AGBL4: variants seen among roughly 807,000 people sequenced by gnomAD.
The protein encoded by AGBL4 is AGBL carboxypeptidase 4.
In AGBL4, 58 loss-of-function variants were observed where a neutral mutation model predicts 66.4. The ratio of observed to expected loss-of-function variants is 0.87; its 90% CI spans 0.71 to 1.09. The LOEUF is 1.09. Among genes scored for constraint, AGBL4 ranks in the 50% least tolerant of loss-of-function variants. The pLI, the probability that AGBL4 is intolerant of heterozygous loss-of-function variation, is 0.00. For missense variants in AGBL4, 579 were observed against 631.0 expected, an observed-to-expected ratio of 0.92 and a Z score of 0.88; for synonymous variants, 234 against 222.9, an observed-to-expected ratio of 1.05 and a Z score of -0.44.
At chr1:49,565,018 T>A (rs1371300258) in intron 3 of AGBL4, among the ~76,000 whole-genome samples, 2 of 152,222 alleles carry the variant, frequency 1.3e-5, no homozygotes, top group African/African-American at 4.8e-5. Context: ...ATATTTAGGA[T>A]AGCTAGTTCT....
At chr1:49,775,258 A>C (rs1644167954) in intron 2 of AGBL4, among the ~76,000 whole-genome samples, 1 of 152,182 alleles carries the variant, frequency 6.6e-6, no homozygotes, top group Non-Finnish European at 1.5e-5. Flanking sequence ...CAGTGCCCTC[A>C]TCCATAAAAT....
chr1:48,771,658 C>A (rs1644840477), intron 6 of AGBL4, among the ~76,000 whole-genome samples: 1 of 152,144 alleles, frequency 6.6e-6, no homozygotes, highest in Non-Finnish European at 1.5e-5. Flanking sequence ...AAAATAAATC[C>A]TTTTGTTGGC....
At chr1:49,987,038 C>T (rs557228855) in intron 1 of AGBL4, among the ~76,000 whole-genome samples, 1 of 152,084 alleles carries the variant, frequency 6.6e-6, no homozygotes, top group South Asian at 2.1e-4. Flanking sequence ...CTCTAGGAAA[C>T]CACTTCCCTG....
chr1:49,243,696 T>C (rs1293601794), intron 4 of AGBL4, among the ~76,000 whole-genome samples: 1 of 151,318 alleles, frequency 6.6e-6, no homozygotes, highest in Non-Finnish European at 1.5e-5. Context: ...TAAAGTCCTA[T>C]GAAGTAAAAA....
chr1:49,515,223 C>A (rs1483058410), intron 3 of AGBL4, among the ~76,000 whole-genome samples: 5 of 151,988 alleles, frequency 3.3e-5, no homozygotes, highest in Admixed American at 1.3e-4. Context: ...AAAAAGTGGG[C>A]AAAGGATATG....
chr1:49,339,159 C>G (rs1005018260), intron 3 of AGBL4, among the ~76,000 whole-genome samples: 4 of 152,014 alleles, frequency 2.6e-5, no homozygotes, highest in Non-Finnish European at 5.9e-5. Flanking sequence ...TGGCCTTTAT[C>G]TGGATAATCA....
chr1:48,773,120 A>C (rs1644916011), intron 6 of AGBL4, among the ~76,000 whole-genome samples: 1 of 152,148 alleles, frequency 6.6e-6, no homozygotes, highest in Non-Finnish European at 1.5e-5. Flanking sequence ...GGCATACAGA[A>C]AGCAGTAAGG....
At chr1:49,611,617 T>A (rs1645156743) in intron 3 of AGBL4, among the ~76,000 whole-genome samples, 1 of 152,080 alleles carries the variant, frequency 6.6e-6, no homozygotes, top group East Asian at 1.9e-4. Context: ...GACCTCGTGA[T>A]CCGCCTGCCT....
At chr1:48,890,830 T>C (rs1268470111) in intron 5 of AGBL4, among the ~76,000 whole-genome samples, 1 of 152,182 alleles carries the variant, frequency 6.6e-6, no homozygotes, top group Non-Finnish European at 1.5e-5. Context: ...GTTATGCCCA[T>C]AGTAATGAAT....
chr1:49,018,906 T>C (rs1159988906), intron 5 of AGBL4, among the ~76,000 whole-genome samples: 1 of 152,144 alleles, frequency 6.6e-6, no homozygotes, highest in Non-Finnish European at 1.5e-5. Context: ...AATTACTTAA[T>C]ATAAAATATT....
At chr1:48,890,256 T>A (rs1570933118) in intron 5 of AGBL4, among the ~76,000 whole-genome samples, 1 of 152,142 alleles carries the variant, frequency 6.6e-6, no homozygotes, top group South Asian at 2.1e-4. Context: ...ATGGTAGAGA[T>A]GCAGTGGTTT....
At chr1:49,357,848 C>G (rs565567056) in intron 3 of AGBL4, among the ~76,000 whole-genome samples, 1 of 152,310 alleles carries the variant, frequency 6.6e-6, no homozygotes, top group Admixed American at 6.5e-5. Flanking sequence ...CTTCCTCCAT[C>G]TCATTCATAC....
At chr1:49,616,828 T>C (rs528044282) in intron 3 of AGBL4, among the ~76,000 whole-genome samples, 70 of 152,200 alleles carry the variant, frequency 4.6e-4, no homozygotes, top group African/African-American at 1.2e-3. Context: ...CACACCCAAA[T>C]CCAATCAACG....
intron 2 of AGBL4, among the ~76,000 whole-genome samples, chr1:49,725,419 T>A (rs2124697717): frequency 6.6e-6 from 1 of 152,300 alleles, no homozygotes; most frequent in East Asian, 1.9e-4. Context: ...TCTCCGTGGC[T>A]TACAACAGTA....
At chr1:49,666,068 T>A (rs1487642912) in intron 3 of AGBL4, among the ~76,000 whole-genome samples, 2 of 151,938 alleles carry the variant, frequency 1.3e-5, no homozygotes, top group African/African-American at 4.8e-5. Flanking sequence ...CATCAAGCAA[T>A]CCTCCTACCT....
chr1:49,863,254 C>A (rs960759090), intron 1 of AGBL4, among the ~76,000 whole-genome samples: 8 of 152,198 alleles, frequency 5.3e-5, no homozygotes, highest in Middle Eastern at 3.4e-3. Flanking sequence ...TGAATCTAGA[C>A]CCCTATCTCT....
intron 4 of AGBL4, among the ~76,000 whole-genome samples, chr1:49,112,000 T>G (rs922767468): frequency 6.6e-6 from 1 of 152,220 alleles, no homozygotes; most frequent in Non-Finnish European, 1.5e-5. Flanking sequence ...TTGAGATGCA[T>G]TCTTTGAGTC....
chr1:49,095,255 C>T (rs531953626), intron 4 of AGBL4, among the ~76,000 whole-genome samples: 1 of 152,200 alleles, frequency 6.6e-6, no homozygotes, highest in Non-Finnish European at 1.5e-5. Flanking sequence ...AATGACCATA[C>T]TGCTCAAGGT....
chr1:49,947,746 T>A (rs1401640702), intron 1 of AGBL4, among the ~76,000 whole-genome samples: 1 of 150,142 alleles, frequency 6.7e-6, no homozygotes, highest in Non-Finnish European at 1.5e-5. Context: ...AAAGAGGAAG[T>A]CAAACTGTCA....
Sources: gnomAD v4.1 joint callset for allele counts (sites outside exome capture counted in the v4.1 genomes callset) on GRCh38, gnomAD v4.1.1 for gene constraint, MANE v1.5 for transcripts, NCBI Gene and HGNC (gene_info 2026-07-23, HGNC 2026-07-21) for gene names.